TENM4: variants seen among roughly 807,000 people sequenced by gnomAD.
The protein encoded by TENM4 is teneurin-4.
Under a neutral mutation model 243.3 loss-of-function variants are expected in TENM4, and 82 were observed. The ratio of observed to expected loss-of-function variants is 0.34; its 90% confidence interval spans 0.28 to 0.40. TENM4 has a LOEUF of 0.40. Ranked by LOEUF, TENM4 falls within the 10% of genes least tolerant of loss-of-function variation. TENM4 has a pLI of 1.00. For missense variants in TENM4, 3,138 were observed against 3,673.3 expected (o/e 0.85, Z 3.77); for synonymous variants, 1,412 against 1,456.3 (o/e 0.97, Z 0.69).
At chr11:78,759,522 C>T (rs1203073229) in intron 18 of TENM4, among the ~76,000 whole-genome samples, 1 of 152,126 alleles carries the variant, frequency 6.6e-6, no homozygotes, top group East Asian at 1.9e-4. Flanking sequence ...CAAAGCAGTC[C>T]CTGGAAGCCT....
rs191386217 is a variant in TENM4 at position 78,853,882 on chromosome 11, A to C, written c.1681+222T>G. Among the ~76,000 whole-genome samples the C allele has an allele frequency of 8.0e-3, 1,211 of 152,310 alleles. 10 individuals are homozygous for C. The highest frequency in any genetic ancestry group is 0.012 in the Non-Finnish European group (827 of 68,016). Reference sequence around the variant, plus strand: ...AATGCACTGCACACCAACCACAGACAGCAGGAGAGAAGCAGCGGGCAACAG... The same window carrying C: ...AATGCACTGCACACCAACCACAGACCGCAGGAGAGAAGCAGCGGGCAACAG... On this transcript the variant is annotated intron_variant, in intron 12 of 33. Coordinates refer to ENST00000278550, the MANE Select transcript of TENM4 (RefSeq NM_001098816.3).
At chr11:78,720,143 A>G (rs1859611255) in intron 25 of TENM4, among the ~76,000 whole-genome samples, 1 of 152,210 alleles carries the variant, frequency 6.6e-6, no homozygotes, top group South Asian at 2.1e-4. Flanking sequence ...CTTTCAGACT[A>G]TCAAAGTAAC....
intron 6 of TENM4, among the ~76,000 whole-genome samples, chr11:79,004,062 T>C (rs1238814673): frequency 6.6e-6 from 1 of 150,466 alleles, no homozygotes; most frequent in African/African-American, 2.4e-5. Context: ...TACTTAATGG[T>C]AAAGGGTTCA....
chr11:79,162,951 G>A (rs997382012), intron 3 of TENM4, among the ~76,000 whole-genome samples: 1 of 152,224 alleles, frequency 6.6e-6, no homozygotes, highest in Non-Finnish European at 1.5e-5. Flanking sequence ...CTCTGAGGGA[G>A]CTATTTCTGC....
chr11:79,164,657 T>C (rs1216263027), intron 3 of TENM4, among the ~76,000 whole-genome samples: 4 of 149,396 alleles, frequency 2.7e-5, no homozygotes, highest in Non-Finnish European at 5.9e-5. Context: ...CTCCCAGAAT[T>C]CCCGTGTGTT....
chr11:79,271,239 C>T (rs796148135), intron 2 of TENM4, among the ~76,000 whole-genome samples: 2 of 152,262 alleles, frequency 1.3e-5, no homozygotes, highest in African/African-American at 4.8e-5. Flanking sequence ...GTTCCTGAGC[C>T]GCCCGATAAA....
At chr11:79,028,254 A>T (rs1321863671) in intron 6 of TENM4, among the ~76,000 whole-genome samples, 1 of 152,228 alleles carries the variant, frequency 6.6e-6, no homozygotes, top group African/African-American at 2.4e-5. Context: ...TTATTATATT[A>T]TCTCAAGACT....
intron 7 of TENM4, 85 bp from the exon 8 acceptor site, chr11:78,891,421 T>C (rs529101820): frequency 1.6e-6 from 2 of 1,257,598 alleles, no homozygotes; most frequent in Non-Finnish European, 2.2e-6. Flanking sequence ...AGTGGCTGTT[T>C]GGTGCAGCTG....
intron 2 of TENM4, among the ~76,000 whole-genome samples, chr11:79,278,095 T>C (rs1016331597): frequency 2.0e-5 from 3 of 152,188 alleles, no homozygotes; most frequent in Admixed American, 6.5e-5. Context: ...AAAGCAGATT[T>C]GAGAGAGAGC....
intron 1 of TENM4, among the ~76,000 whole-genome samples, chr11:79,410,421 A>T (rs1330069799): frequency 6.6e-6 from 1 of 152,196 alleles, no homozygotes; most frequent in Non-Finnish European, 1.5e-5. Flanking sequence ...GACTGGTTCT[A>T]CTGCATCCCC....
chr11:79,090,406 T>G (rs1161922370), intron 4 of TENM4, among the ~76,000 whole-genome samples: 1 of 152,230 alleles, frequency 6.6e-6, no homozygotes, highest in African/African-American at 2.4e-5. Flanking sequence ...AAATGCAACA[T>G]GCAGACACCC....
chr11:78,692,686 T>C (rs1858856122), intron 28 of TENM4, among the ~76,000 whole-genome samples: 1 of 152,164 alleles, frequency 6.6e-6, no homozygotes, highest in African/African-American at 2.4e-5. Flanking sequence ...CCTGCCTTTC[T>C]TTCTGACTTC....
chr11:79,105,061 T>C (rs1002069477), intron 4 of TENM4, among the ~76,000 whole-genome samples: 4 of 152,152 alleles, frequency 2.6e-5, no homozygotes, highest in African/African-American at 9.7e-5. Flanking sequence ...AATTTACAAT[T>C]AAGTTCTATA....
chr11:79,307,405 C>T (rs79324792), intron 1 of TENM4, among the ~76,000 whole-genome samples: 4,845 of 152,242 alleles, frequency 0.032, 113 homozygotes, highest in Non-Finnish European at 0.048. Flanking sequence ...CTCCTGACAC[C>T]GCTCTCTCCT....
intron 3 of TENM4, among the ~76,000 whole-genome samples, chr11:79,150,186 C>A (rs533471406): frequency 2.6e-5 from 4 of 152,204 alleles, no homozygotes; most frequent in African/African-American, 9.6e-5. Flanking sequence ...ACCTACAATG[C>A]CTCCATCATT....
intron 2 of TENM4, among the ~76,000 whole-genome samples, chr11:79,264,697 A>G (rs955257690): frequency 2.0e-5 from 3 of 152,216 alleles, no homozygotes; most frequent in African/African-American, 7.2e-5. Context: ...AATGGGACTA[A>G]AATCACAGGG....
chr11:78,793,195 A>G (rs593443), intron 15 of TENM4, among the ~76,000 whole-genome samples: 89,390 of 152,042 alleles, frequency 0.59, 28,952 homozygotes, highest in Non-Finnish European at 0.74. Context: ...AAAGGGAAAG[A>G]CTTATGCACA....
chr11:79,429,071 T>C (rs1340875185), intron 1 of TENM4, among the ~76,000 whole-genome samples: 2 of 152,154 alleles, frequency 1.3e-5, no homozygotes, highest in Non-Finnish European at 2.9e-5. Context: ...CTAAATCTAG[T>C]GCCTGACAGC....
chr11:79,353,605 G>A (rs1376620557), intron 1 of TENM4, among the ~76,000 whole-genome samples: 2 of 152,036 alleles, frequency 1.3e-5, no homozygotes, highest in Non-Finnish European at 2.9e-5. Flanking sequence ...GTGACGCTTG[G>A]TACCTGAAAA....
Sources: allele counts gnomAD v4.1 joint callset (sites outside exome capture counted in the v4.1 genomes callset), GRCh38; gene constraint gnomAD v4.1.1; transcripts MANE v1.5; gene names NCBI Gene and HGNC (gene_info 2026-07-23, HGNC 2026-07-21).